PHLDB2: variants seen among roughly 807,000 people sequenced by gnomAD.
The protein encoded by PHLDB2 is pleckstrin homology-like domain family B member 2.
A neutral mutation model predicts 123.6 loss-of-function variants in PHLDB2; 71 were observed. The ratio of observed to expected loss-of-function variants is 0.57; its 90% CI spans 0.47 to 0.70. The LOEUF (loss-of-function observed/expected upper bound fraction) is 0.70, where lower values mean the gene tolerates loss of function less well. Ranked by LOEUF, PHLDB2 falls within the 30% of genes least tolerant of loss-of-function variation. The pLI, the probability that PHLDB2 is intolerant of heterozygous loss-of-function variation, is 0.00. For synonymous variants in PHLDB2, 547 were observed against 541.6 expected (o/e 1.01, Z -0.14); for missense variants, 1,446 against 1,519.5 (o/e 0.95, Z 0.80).
At chr3:111,830,473 T>G (rs1251285653) in intron 1 of PHLDB2, among the ~76,000 whole-genome samples, 1 of 149,848 alleles carries the variant, frequency 6.7e-6, no homozygotes. Flanking sequence ...TGTATAAATC[T>G]TTTGTTCTGA....
intron 1 of PHLDB2, among the ~76,000 whole-genome samples, chr3:111,807,592 G>T (rs1005800074): frequency 7.2e-5 from 11 of 152,016 alleles, no homozygotes; most frequent in African/African-American, 2.7e-4. Flanking sequence ...AGCCAGGCGC[G>T]TGATTTTTTT....
At chr3:111,958,643 T>G in intron 12 of PHLDB2, 1 of 445,864 alleles carries the variant, frequency 2.2e-6, no homozygotes, top group Non-Finnish European at 4.5e-6. Flanking sequence ...CAATTAGGTC[T>G]TGCTTTATAC....
At chr3:111,965,385 T>C (rs73852747) in intron 13 of PHLDB2, among the ~76,000 whole-genome samples, 1,757 of 152,348 alleles carry the variant, frequency 0.012, 46 homozygotes, top group African/African-American at 0.039. Flanking sequence ...GTACTGATTA[T>C]AGAATAAACT....
At chr3:111,844,542 C>T (rs373831915) in intron 1 of PHLDB2, among the ~76,000 whole-genome samples, 8 of 152,290 alleles carry the variant, frequency 5.3e-5, no homozygotes, top group African/African-American at 1.9e-4. Context: ...GTCTGCATCT[C>T]ACTATTGTAC....
Position 111,884,748 on chromosome 3 carries a change from C to T in PHLDB2, c.671C>T (p.Thr224Ile), listed in dbSNP as rs368117511. ...AGCCTGGCGCTTCAACCCAAGTTAACTAGACACAAGGAGCTTGCATCTGAA... is the reference window on the plus strand; with the variant it reads ...AGCCTGGCGCTTCAACCCAAGTTAATTAGACACAAGGAGCTTGCATCTGAA... ...QDSLALQPKL[T>I]RHKELASENI... is the part of the protein sequence containing the mutation. The change falls in exon 2 of 18, where the codon ACT (threonine) becomes ATT (isoleucine). Residue 224 changes from threonine (T) to isoleucine (I), a missense_variant. Thr to Ile is a moderately conservative substitution (Grantham distance 89). Around this residue, in one of 3 missense-constraint regions of PHLDB2, gnomAD observed 832 missense variants for 831.9 expected, o/e 1.00. Coordinates refer to ENST00000431670, the MANE Select transcript of PHLDB2 (RefSeq NM_001134438.2). The T allele has an allele frequency of 6.2e-7, 1 of 1,614,092 alleles. No homozygotes were observed. The highest frequency in any genetic ancestry group is 1.1e-5 in the South Asian group (1 of 91,074).
chr3:111,951,386 A>C (rs1054370551), intron 10 of PHLDB2, among the ~76,000 whole-genome samples: 1 of 152,228 alleles, frequency 6.6e-6, no homozygotes, highest in Non-Finnish European at 1.5e-5. Flanking sequence ...TACCTGGCAC[A>C]TAGCTCTTAA....
chr3:111,868,716 C>T (rs534662126), intron 1 of PHLDB2, among the ~76,000 whole-genome samples: 1 of 151,970 alleles, frequency 6.6e-6, no homozygotes, highest in Admixed American at 6.5e-5. Context: ...CAAATGTGAG[C>T]CTAATTGAAG....
At chr3:111,949,165 G>A (rs1443338056) in intron 10 of PHLDB2, 90 bp downstream of exon 10, 11 of 1,440,912 alleles carry the variant, frequency 7.6e-6, no homozygotes, top group African/African-American at 5.6e-5. Flanking sequence ...CCACGAGAAC[G>A]TGCATGACAA....
chr3:111,780,399 A>AGGAGGAG (rs72585120), intron 1 of PHLDB2, among the ~76,000 whole-genome samples: 1 of 74,362 alleles, frequency 1.3e-5, no homozygotes, highest in African/African-American at 4.7e-5. Flanking sequence ...AAGAAGAAGA[A>AGGAGGAG]GAAGAAGAAG....
chr3:111,896,011 T>C (rs1451525480), intron 2 of PHLDB2, among the ~76,000 whole-genome samples: 4 of 152,174 alleles, frequency 2.6e-5, no homozygotes, highest in Non-Finnish European at 5.9e-5. Context: ...ATTATTCTTT[T>C]TTTGAGGAGA....
chr3:111,863,253 A>G (rs1282997), intron 1 of PHLDB2, among the ~76,000 whole-genome samples: 167 of 152,252 alleles, frequency 1.1e-3, no homozygotes, highest in African/African-American at 3.9e-3. Flanking sequence ...GACATAGCAG[A>G]TGTTGCTTTT....
rs1196813529 is a variant in PHLDB2 at position 111,915,292 on chromosome 3, T to G, written c.1719+1590T>G. On this transcript the variant is annotated intron_variant, in intron 3 of 17. Coordinates refer to ENST00000431670, the MANE Select transcript of PHLDB2 (RefSeq NM_001134438.2). ...TGGGCATTATTCAGGGGAGTTTGCG[T>G]GTTTGTTTAGCTACAGCAAGACTTT... 1.3e-5 allele frequency: 2 copies of G among 152,206 alleles called. 1 individual carries two copies. The highest frequency in any genetic ancestry group is 4.1e-4 in the South Asian group (2 of 4,838). 9.4% of individuals were successfully genotyped at this position (152,206 alleles called of 1,614,324 possible). A position where few individuals can be genotyped will look rare whatever the true frequency, so the allele number is the denominator to read the frequency against.
intron 2 of PHLDB2, among the ~76,000 whole-genome samples, chr3:111,897,152 T>C (rs2066921771): frequency 6.6e-6 from 1 of 152,258 alleles, no homozygotes; most frequent in South Asian, 2.1e-4. Context: ...TCTATAATTT[T>C]ATCATTTCAC....
chr3:111,949,144 G>A, intron 10 of PHLDB2, 69 bp downstream of exon 10: 2 of 1,557,758 alleles, frequency 1.3e-6, no homozygotes, highest in Non-Finnish European at 1.8e-6. Context: ...ACGGCCAACT[G>A]AAAATGAGGT....
intron 1 of PHLDB2, among the ~76,000 whole-genome samples, chr3:111,868,056 G>C (rs191467003): frequency 7.2e-5 from 11 of 152,164 alleles, no homozygotes; most frequent in Admixed American, 3.9e-4. Flanking sequence ...CTGGAGAGCA[G>C]TGGCATGATC....
chr3:111,928,577 C>T (rs112854122), intron 5 of PHLDB2, among the ~76,000 whole-genome samples: 9 of 152,276 alleles, frequency 5.9e-5, no homozygotes, highest in Non-Finnish European at 1.2e-4. Context: ...TCTTTTCTTT[C>T]CTCTCCTCTA....
chr3:111,852,056 T>C (rs1482906385), intron 2 of PHLDB2, among the ~76,000 whole-genome samples: 2 of 152,112 alleles, frequency 1.3e-5, no homozygotes, highest in African/African-American at 4.8e-5. Context: ...CATTGTTTTT[T>C]AGTATATATT....
At chr3:111,943,545 T>G (rs1421809190) in intron 8 of PHLDB2, among the ~76,000 whole-genome samples, 1 of 152,074 alleles carries the variant, frequency 6.6e-6, no homozygotes, top group East Asian at 1.9e-4. Flanking sequence ...TCAATAATAA[T>G]AGCAATACAT....
chr3:111,794,163 AG>A (rs1435654970), intron 1 of PHLDB2, among the ~76,000 whole-genome samples: 1 of 152,086 alleles, frequency 6.6e-6, no homozygotes, highest in African/African-American at 2.4e-5. Context: ...GATGCTTTCC[AG>A]AACCCAGTCG....
Sources: gnomAD v4.1 joint callset for allele counts (sites outside exome capture counted in the v4.1 genomes callset) on GRCh38, gnomAD v4.1.1 for gene constraint, gnomAD v4.1.1 regional missense constraint, MANE v1.5 for transcripts, NCBI Gene and HGNC (gene_info 2026-07-23, HGNC 2026-07-21) for gene names.